The following ARHGAP39 variants were observed in gnomAD, a reference collection of about 807,000 sequenced individuals.
The protein encoded by ARHGAP39 is Rho GTPase activating protein 39.
A neutral mutation model predicts 106.9 loss-of-function variants in ARHGAP39; 44 were observed. That is an observed-to-expected ratio of 0.41 (90% CI 0.32 to 0.53). The LOEUF is 0.53. Among genes scored for constraint, ARHGAP39 ranks in the 20% least tolerant of loss-of-function variants. The pLI, the probability that ARHGAP39 is intolerant of heterozygous loss-of-function variation, is 0.21. For missense variants in ARHGAP39, 1,496 were observed against 1,577.3 expected, an observed-to-expected ratio of 0.95 and a Z score of 0.87; for synonymous variants, 768 against 693.2, an observed-to-expected ratio of 1.11 and a Z score of -1.69.
rs539152343 is a variant in ARHGAP39, at chr8:144,659,391, T to G, written c.-82+26295A>C. Among the ~76,000 whole-genome samples the G allele has an allele frequency of 3.9e-5, 6 of 152,328 alleles. No homozygotes were observed. In the South Asian group the frequency reaches 1.2e-3, roughly 32 times the overall value. ...CACAATTAGATATGATCAAACGATG[T>G]TGCCTTTTTCAATCGTTTTTGACCT... On this transcript the variant is annotated intron_variant, in intron 1 of 11. Coordinates refer to ENST00000377307, the MANE Select transcript of ARHGAP39 (RefSeq NM_025251.3).
intron 3 of ARHGAP39, among the ~76,000 whole-genome samples, chr8:144,559,219 C>CAAAAAAA (rs1294881432): frequency 6.6e-6 from 1 of 151,226 alleles, no homozygotes; most frequent in African/African-American, 2.4e-5. Flanking sequence ...AAACAAAAAA[C>CAAAAAAA]AAAAAAACAA....
At position 144,591,863 on chromosome 8, in the gene ARHGAP39, C is replaced by T. The variant is rs568725733; in HGVS notation, c.81-10586G>A. On this transcript the variant is annotated intron_variant, in intron 2 of 11. Coordinates refer to ENST00000377307, the MANE Select transcript of ARHGAP39 (RefSeq NM_025251.3). This position sits in a 1 kb window ranked among gnomAD's most constrained non-coding sequence, Gnocchi z 5.3. ...GGCGGCTTCCCCTGGATGGCGGCGTCGCCTCGTCGCCTCGTGCCTGCGGGG... is the reference window on the plus strand; with the variant it reads ...GGCGGCTTCCCCTGGATGGCGGCGTTGCCTCGTCGCCTCGTGCCTGCGGGG... Among the ~76,000 whole-genome samples the T allele has an allele frequency of 9.9e-5, 15 of 152,184 alleles. No homozygotes were observed. The highest frequency in any genetic ancestry group is 4.1e-4 in the South Asian group (2 of 4,832).
chr8:144,531,241 A>AG (rs1564831636), intron 10 of ARHGAP39, among the ~76,000 whole-genome samples: 4 of 31,634 alleles, frequency 1.3e-4, no homozygotes, highest in African/African-American at 4.1e-4. Flanking sequence ...GCAGAAGGGC[A>AG]CAGGGCAGCG....
chr8:144,589,889 G>A (rs987203885), intron 2 of ARHGAP39, among the ~76,000 whole-genome samples: 1 of 152,262 alleles, frequency 6.6e-6, no homozygotes, highest in Non-Finnish European at 1.5e-5. Context: ...GAGGGGCACA[G>A]AGGGGCGTGA....
chr8:144,636,827 G>A (rs1196732387), intron 1 of ARHGAP39, among the ~76,000 whole-genome samples: 3 of 152,160 alleles, frequency 2.0e-5, no homozygotes. Context: ...GATGCCTGAG[G>A]CCTTTGATAG....
At chr8:144,582,225 C>G (rs1819018642) in intron 2 of ARHGAP39, among the ~76,000 whole-genome samples, 1 of 152,214 alleles carries the variant, frequency 6.6e-6, no homozygotes, top group Admixed American at 6.5e-5. Context: ...TCCCCCAGGT[C>G]AAGGACAGAA....
intron 1 of ARHGAP39, among the ~76,000 whole-genome samples, chr8:144,631,422 C>T (rs1451775181): frequency 2.6e-5 from 4 of 152,260 alleles, no homozygotes; most frequent in Admixed American, 2.6e-4. Context: ...ACACCTTTAA[C>T]AGCCAAGCAT....
At chr8:144,581,732 C>T (rs1819000024) in intron 2 of ARHGAP39, among the ~76,000 whole-genome samples, 1 of 152,220 alleles carries the variant, frequency 6.6e-6, no homozygotes, top group Non-Finnish European at 1.5e-5. Context: ...CTAAGTGCTG[C>T]TGGACTCCCA....
At chr8:144,611,239 T>C (rs1338290813) in intron 1 of ARHGAP39, among the ~76,000 whole-genome samples, 4 of 152,256 alleles carry the variant, frequency 2.6e-5, no homozygotes, top group African/African-American at 9.6e-5. Flanking sequence ...TCAGAGAACA[T>C]AATTTATATG....
chr8:144,534,294 T>C lies in ARHGAP39; in HGVS notation c.2615-92A>G, dbSNP rs1816863992. On this transcript the variant is annotated intron_variant, in intron 7 of 11. Coordinates refer to ENST00000377307, the MANE Select transcript of ARHGAP39 (RefSeq NM_025251.3). ...GCAGACACAGCTCCTTCGAGGGCCC[T>C]GGGGGGCTGGGCTGGCCTTGCCCCG... 24 of 1,445,492 alleles carry C rather than the reference T, an allele frequency of 1.7e-5. No homozygotes were observed. The South Asian group carries it at 2.2e-4, about 13-fold the overall frequency. The allele number at this position is 1,445,492 out of a possible 1,614,324, so 89.5% of individuals were successfully genotyped here. A position where few individuals can be genotyped will look rare whatever the true frequency, so the allele number is the denominator to read the frequency against.
At chr8:144,577,455 T>G (rs1222449855) in intron 3 of ARHGAP39, among the ~76,000 whole-genome samples, 1 of 152,076 alleles carries the variant, frequency 6.6e-6, no homozygotes, top group Non-Finnish European at 1.5e-5. Flanking sequence ...ACTGGAAGCT[T>G]TCCCCGAGAT....
rs1822068327 is a variant in ARHGAP39 at position 144,670,215 on chromosome 8, A to G, written c.-82+15471T>C. Among the ~76,000 whole-genome samples, 1 of 152,168 alleles carries G rather than the reference A, an allele frequency of 6.6e-6. No homozygotes were observed. Among genetic ancestry groups the G allele is most frequent in the African/African-American group, 2.4e-5 (1 of 41,438 alleles). ...AAGCAACAGAGCTCGGACGCATGCT[A>G]GAGCGTACCGGGAAGCTGGATGAGG... On this transcript the variant is annotated intron_variant, in intron 1 of 11. Coordinates refer to ENST00000377307, the MANE Select transcript of ARHGAP39 (RefSeq NM_025251.3). This position sits in a 1 kb window ranked among gnomAD's most constrained non-coding sequence, Gnocchi z 4.4.
intron 7 of ARHGAP39, among the ~76,000 whole-genome samples, chr8:144,537,278 G>A (rs1476946542): frequency 6.6e-6 from 1 of 152,180 alleles, no homozygotes; most frequent in Non-Finnish European, 1.5e-5. Flanking sequence ...ACTCCTTGCA[G>A]ATTCTGAACA....
In ARHGAP39 at chr8:144,620,911, G is replaced by A. The variant is rs117737395; in HGVS notation, c.-81-15216C>T. ...ACTGTGCCCTCGAGGTGAAGGTGCC[G>A]GGAAGGAACTGGGAAACTGAACAGC... On this transcript the variant is annotated intron_variant, in intron 1 of 11. Coordinates refer to ENST00000377307, the MANE Select transcript of ARHGAP39 (RefSeq NM_025251.3). 5.1e-3 allele frequency among the ~76,000 whole-genome samples: 782 copies of A among 152,366 alleles called. 4 individuals carry two copies. The highest frequency in any genetic ancestry group is 9.2e-3 in the Non-Finnish European group (623 of 68,038).
At chr8:144,602,543 T>G (rs534656635) in intron 2 of ARHGAP39, among the ~76,000 whole-genome samples, 1 of 135,638 alleles carries the variant, frequency 7.4e-6, no homozygotes, top group South Asian at 2.5e-4. Flanking sequence ...TACCTGTGTG[T>G]GCATGGAGGC....
In ARHGAP39 at chr8:144,594,612, C is replaced by T. The variant is rs142398113; in HGVS notation, c.80+10923G>A. On this transcript the variant is annotated intron_variant, in intron 2 of 11. Coordinates refer to ENST00000377307, the MANE Select transcript of ARHGAP39 (RefSeq NM_025251.3). ...GGGAGGCTGAGGAAGGAGAATCGCTCGAACCCGGGAGGCGGATGTTGCGGT... is the reference window on the plus strand; with the variant it reads ...GGGAGGCTGAGGAAGGAGAATCGCTTGAACCCGGGAGGCGGATGTTGCGGT... Among the ~76,000 whole-genome samples the T allele has an allele frequency of 2.1e-3, 319 of 150,910 alleles. 1 individual carries two copies. The highest frequency in any genetic ancestry group is 7.0e-3 in the African/African-American group (286 of 41,014).
rs970928646 is a variant in ARHGAP39 at position 144,647,779 on chromosome 8, G to A, written c.-82+37907C>T. Among the ~76,000 whole-genome samples the A allele has an allele frequency of 6.6e-5, 10 of 152,336 alleles. No individual in the cohort carries two copies. Among genetic ancestry groups the A allele is most frequent in the Non-Finnish European group, 1.5e-4 (10 of 68,038 alleles). ...AGCTGGAAGCCATGCATGCGTCCAC[G>A]GGGACCCCAAGAGAGGGAACCAGAG... On this transcript the variant is annotated intron_variant, in intron 1 of 11. Coordinates refer to ENST00000377307, the MANE Select transcript of ARHGAP39 (RefSeq NM_025251.3). This position sits in a 1 kb window ranked among gnomAD's most constrained non-coding sequence, Gnocchi z 4.8.
rs766190645 is a variant in ARHGAP39, at chr8:144,547,153, G to T, written c.1933C>A (p.Pro645Thr). The change falls in exon 5 of 12, where the codon CCA becomes ACA. Residue 645 changes from proline (P) to threonine (T), a missense_variant. Physicochemically the swap from Pro to Thr is conservative, Grantham distance 38. Transcript: ENST00000377307. This position sits in a 1 kb window ranked among gnomAD's most constrained non-coding sequence, Gnocchi z 5.2. ...TGTGAGGGGTGGAGGTAGGGCTCTGGTGAGGCCAGGTTGGTCTGCACGGAG... is the reference window on the plus strand; with the variant it reads ...TGTGAGGGGTGGAGGTAGGGCTCTGTTGAGGCCAGGTTGGTCTGCACGGAG... ...SVSVQTNLAS[P>T]EPYLHPSQSE... 4 of 1,607,932 alleles carry T rather than the reference G, an allele frequency of 2.5e-6. No homozygotes were observed. In the African/African-American group the frequency reaches 5.3e-5, roughly 21 times the overall value.
At chr8:144,652,513 C>T (rs1821598918) in intron 1 of ARHGAP39, among the ~76,000 whole-genome samples, 1 of 152,130 alleles carries the variant, frequency 6.6e-6, no homozygotes, top group Non-Finnish European at 1.5e-5. Flanking sequence ...TCAATCTACA[C>T]GTCCATCAAT....
Sources: allele counts gnomAD v4.1 joint callset (sites outside exome capture counted in the v4.1 genomes callset), GRCh38; gene constraint gnomAD v4.1.1; non-coding constraint Gnocchi (gnomAD v3.1); transcripts MANE v1.5; gene names NCBI Gene and HGNC (gene_info 2026-07-23, HGNC 2026-07-21).